RFX3: variants seen among roughly 807,000 people sequenced by gnomAD.
RFX3 encodes transcription factor RFX3.
RFX3 carries 14 observed loss-of-function variants against 98.6 expected under a neutral mutation model. The ratio of observed to expected loss-of-function variants is 0.14; its 90% CI spans 0.09 to 0.22. The LOEUF (loss-of-function observed/expected upper bound fraction) is 0.22. Among genes scored for constraint, RFX3 ranks in the 10% least tolerant of loss-of-function variants. RFX3 has a pLI of 1.00. For synonymous variants in RFX3, 383 were observed against 328.4 expected (o/e 1.17, Z -1.80); for missense variants, 639 against 926.9 (o/e 0.69, Z 4.03).
intron 1 of RFX3, among the ~76,000 whole-genome samples, chr9:3,429,885 C>T (rs193129038): frequency 6.6e-6 from 1 of 152,276 alleles, no homozygotes; most frequent in African/African-American, 2.4e-5. Context: ...CACAAAGTAA[C>T]AGGTTTCTGT....
intron 1 of RFX3, among the ~76,000 whole-genome samples, chr9:3,427,884 T>C (rs750375238): frequency 4.6e-5 from 7 of 152,114 alleles, no homozygotes; most frequent in Non-Finnish European, 7.4e-5. Context: ...TTCACCCTTC[T>C]GGTGCCCCGC....
intron 4 of RFX3, among the ~76,000 whole-genome samples, 183 bp downstream of exon 4, chr9:3,330,076 T>A (rs1440621803): frequency 2.6e-5 from 4 of 152,220 alleles, no homozygotes; most frequent in African/African-American, 9.6e-5. Flanking sequence ...TTAGAGGGCA[T>A]ATGTATCAGT....
intron 1 of RFX3, among the ~76,000 whole-genome samples, chr9:3,434,324 TTAAG>T (rs1299294925): frequency 1.3e-5 from 2 of 152,166 alleles, no homozygotes; most frequent in Non-Finnish European, 2.9e-5. Flanking sequence ...TATATCATTA[TTAAG>T]TGTGTCATCC....
intron 1 of RFX3, among the ~76,000 whole-genome samples, chr9:3,484,114 A>G (rs569321178): frequency 2.2e-4 from 34 of 152,240 alleles, no homozygotes; most frequent in Non-Finnish European, 4.0e-4. Context: ...AAAGACCTTT[A>G]CATAGCTTCA....
At chr9:3,288,315 T>C (rs1826907664) in intron 6 of RFX3, 65 bp from the exon 7 acceptor site, 1 of 1,492,946 alleles carries the variant, frequency 6.7e-7, no homozygotes, top group Non-Finnish European at 9.3e-7. Context: ...TCACATGGGA[T>C]GTCCATTAAA....
chr9:3,428,569 T>G (rs1255735721), intron 1 of RFX3, among the ~76,000 whole-genome samples: 1 of 152,204 alleles, frequency 6.6e-6, no homozygotes. Context: ...CTTTGCTTAT[T>G]TTTATTCAAG....
chr9:3,257,315 A>G, intron 13 of RFX3, 116 bp from the exon 14 acceptor site: 1 of 783,474 alleles, frequency 1.3e-6, no homozygotes, highest in African/African-American at 1.7e-5. Context: ...TCACACAGTT[A>G]AATGAATCCA....
At chr9:3,277,253 G>A (rs926349736) in intron 8 of RFX3, 87 bp downstream of exon 8, 22 of 1,376,090 alleles carry the variant, frequency 1.6e-5, no homozygotes, top group Non-Finnish European at 1.9e-5. Flanking sequence ...CTATGTCATT[G>A]ACATCTATAA....
intron 1 of RFX3, among the ~76,000 whole-genome samples, chr9:3,525,508 C>G (rs1819186735): frequency 6.6e-6 from 1 of 151,896 alleles, no homozygotes; most frequent in Non-Finnish European, 1.5e-5. Flanking sequence ...GGGCCGGGGC[C>G]GGCGGGCGGC....
chr9:3,407,007 G>C (rs1055353575), intron 1 of RFX3, among the ~76,000 whole-genome samples: 2 of 152,156 alleles, frequency 1.3e-5, no homozygotes, highest in African/African-American at 4.8e-5. Context: ...TCGCTGAATT[G>C]TGGATTCAGA....
chr9:3,386,912 A>G (rs1839785590), intron 2 of RFX3, among the ~76,000 whole-genome samples: 1 of 152,194 alleles, frequency 6.6e-6, no homozygotes, highest in South Asian at 2.1e-4. Context: ...GGGGACACAT[A>G]TGAAGGTATC....
chr9:3,253,701 T>A (rs184901051), intron 14 of RFX3, among the ~76,000 whole-genome samples: 1 of 152,170 alleles, frequency 6.6e-6, no homozygotes, highest in Non-Finnish European at 1.5e-5. Flanking sequence ...TTTCCATGCA[T>A]GTAAATATAT....
intron 3 of RFX3, among the ~76,000 whole-genome samples, chr9:3,334,006 G>C (rs966647560): frequency 2.6e-5 from 4 of 151,988 alleles, no homozygotes; most frequent in African/African-American, 9.7e-5. Flanking sequence ...CTGAAGTTTG[G>C]ATTGGTTGAA....
intron 14 of RFX3, among the ~76,000 whole-genome samples, chr9:3,251,155 C>T (rs1273290854): frequency 6.6e-6 from 1 of 151,968 alleles, no homozygotes; most frequent in Admixed American, 6.6e-5. Flanking sequence ...CATTATGTTT[C>T]TGAAGATATT....
At chr9:3,320,332 C>A (rs1046866616) in intron 4 of RFX3, among the ~76,000 whole-genome samples, 22 of 152,156 alleles carry the variant, frequency 1.4e-4, no homozygotes, top group Admixed American at 3.3e-4. Context: ...GCAGGCGGAT[C>A]ACTTGAGGCC....
At chr9:3,338,994 CAGG>C (rs1833540022) in intron 3 of RFX3, among the ~76,000 whole-genome samples, 1 of 152,036 alleles carries the variant, frequency 6.6e-6, no homozygotes, top group Non-Finnish European at 1.5e-5. Context: ...GAGGCTGAGG[CAGG>C]AGAATTGCTT....
intron 1 of RFX3, among the ~76,000 whole-genome samples, chr9:3,464,568 G>C (rs77977046): frequency 4.6e-5 from 7 of 152,208 alleles, no homozygotes; most frequent in African/African-American, 1.7e-4. Context: ...CAGCAAAATT[G>C]TAGTACTATA....
intron 1 of RFX3, chr9:3,452,333 G>A: frequency 3.2e-6 from 1 of 315,448 alleles, no homozygotes; most frequent in Non-Finnish European, 6.8e-6. Context: ...GCTCATGCCT[G>A]TAATCTCAGT....
chr9:3,247,864 G>C (rs778883241), intron 15 of RFX3, 168 bp downstream of exon 15: 1 of 1,608,762 alleles, frequency 6.2e-7, no homozygotes, highest in South Asian at 1.1e-5. Flanking sequence ...AAGCACATAA[G>C]AACAGAGGAA....
Sources: gnomAD v4.1 joint callset for allele counts (sites outside exome capture counted in the v4.1 genomes callset) on GRCh38, gnomAD v4.1.1 for gene constraint, MANE v1.5 for transcripts, NCBI Gene and HGNC (gene_info 2026-07-23, HGNC 2026-07-21) for gene names.